The following NAV2 variants were observed in gnomAD, a reference collection of about 807,000 sequenced individuals.
The protein encoded by NAV2 is neuron navigator 2, also known as helicase, APC down-regulated 1.
Under a neutral mutation model 223.2 loss-of-function variants are expected in NAV2, and 54 were observed. The observed-to-expected ratio is 0.24, with a 90% CI of 0.19 to 0.30. The LOEUF is 0.30. Among genes scored for constraint, NAV2 ranks in the 10% least tolerant of loss-of-function variants. The pLI is 1.00. For synonymous variants in NAV2, 1,279 were observed against 1,239.3 expected (o/e 1.03, Z -0.67); for missense variants, 2,806 against 3,147.5 (o/e 0.89, Z 2.60).
At chr11:20,019,168 G>C (rs576789011) in intron 11 of NAV2, among the ~76,000 whole-genome samples, 2 of 152,168 alleles carry the variant, frequency 1.3e-5, no homozygotes, top group Middle Eastern at 3.2e-3. Context: ...CAAGGCATGA[G>C]GGAAGGCTGA....
intron 1 of NAV2, among the ~76,000 whole-genome samples, chr11:19,791,740 C>A (rs117684497): frequency 6.6e-6 from 1 of 152,178 alleles, no homozygotes; most frequent in East Asian, 1.9e-4. Context: ...AGAAGAAAGC[C>A]TGGCAGGAGA....
In NAV2 at chr11:20,015,636, C is replaced by T. The variant is rs117789605; in HGVS notation, c.2769-20323C>T. 5.7e-4 allele frequency among the ~76,000 whole-genome samples: 87 copies of T among 152,264 alleles called. No individual in the cohort carries two copies. In the East Asian group the frequency reaches 0.016, roughly 29 times the overall value. ...ACCCCCACATACACCCAATTATAAG[C>T]TCCACGAGGGGGTAGAGAGAGACAT... On this transcript the variant is annotated intron_variant, in intron 11 of 37. Coordinates refer to ENST00000349880, the MANE Select transcript of NAV2 (RefSeq NM_145117.5).
chr11:19,821,029 G>A (rs371448628), intron 1 of NAV2, among the ~76,000 whole-genome samples: 4 of 152,190 alleles, frequency 2.6e-5, no homozygotes, highest in African/African-American at 4.8e-5. Context: ...TTGGGAGGCC[G>A]AGGCGGGCAA....
intron 6 of NAV2, among the ~76,000 whole-genome samples, chr11:19,914,755 A>G (rs1015412721): frequency 6.6e-6 from 1 of 151,734 alleles, no homozygotes; most frequent in African/African-American, 2.4e-5. Flanking sequence ...CTTGTTAGCC[A>G]GGATGGTCTC....
chr11:19,638,828 A>C (rs898259484), intron 1 of NAV2, among the ~76,000 whole-genome samples: 6 of 152,118 alleles, frequency 3.9e-5, no homozygotes, highest in South Asian at 2.1e-4. Context: ...CCCCGTGTCT[A>C]CTAAAAATAC....
intron 3 of NAV2, among the ~76,000 whole-genome samples, chr11:19,843,791 T>C (rs563418631): frequency 3.0e-4 from 46 of 152,050 alleles, no homozygotes; most frequent in African/African-American, 8.7e-4. Flanking sequence ...AATTTGCTTC[T>C]GTAACCCCAT....
At chr11:19,892,118 C>G (rs2041550334) in intron 5 of NAV2, among the ~76,000 whole-genome samples, 1 of 152,178 alleles carries the variant, frequency 6.6e-6, no homozygotes, top group Non-Finnish European at 1.5e-5. Flanking sequence ...ACCACCATGC[C>G]TGGCTAATTT....
chr11:19,496,811 G>C (rs2042807977), intron 1 of NAV2, among the ~76,000 whole-genome samples: 1 of 152,146 alleles, frequency 6.6e-6, no homozygotes, highest in African/African-American at 2.4e-5. Flanking sequence ...TTTACAATGT[G>C]ATCACTAAAA....
At chr11:19,485,115 C>G (rs1464718602) in intron 1 of NAV2, among the ~76,000 whole-genome samples, 2 of 152,152 alleles carry the variant, frequency 1.3e-5, no homozygotes, top group African/African-American at 4.8e-5. Flanking sequence ...ACAGGCAACT[C>G]CTGTGGACCC....
intron 1 of NAV2, among the ~76,000 whole-genome samples, chr11:19,633,344 G>T (rs2047398113): frequency 6.6e-6 from 1 of 152,264 alleles, no homozygotes; most frequent in Non-Finnish European, 1.5e-5. Context: ...CAGAGAGGGA[G>T]GTCCCTGGCA....
At chr11:19,607,837 G>A (rs530105593) in intron 1 of NAV2, among the ~76,000 whole-genome samples, 1 of 151,480 alleles carries the variant, frequency 6.6e-6, no homozygotes, top group East Asian at 2.0e-4. Flanking sequence ...AAACATTTCA[G>A]CAAAGATTCT....
At chr11:19,956,643 G>A (rs906584563) in intron 10 of NAV2, among the ~76,000 whole-genome samples, 1 of 152,180 alleles carries the variant, frequency 6.6e-6, no homozygotes. Context: ...GCACGGTGTG[G>A]GGGCGGTGCA....
intron 14 of NAV2, among the ~76,000 whole-genome samples, chr11:20,046,309 C>T (rs2057418079): frequency 6.7e-6 from 1 of 149,724 alleles, no homozygotes; most frequent in Admixed American, 6.7e-5. Flanking sequence ...GCACTCCAGC[C>T]TGGGCAACAG....
intron 1 of NAV2, among the ~76,000 whole-genome samples, chr11:19,805,917 G>C (rs539042287): frequency 1.3e-5 from 2 of 152,268 alleles, no homozygotes; most frequent in African/African-American, 2.4e-5. Flanking sequence ...AATTCAAACC[G>C]ACTTCTGCCT....
intron 1 of NAV2, among the ~76,000 whole-genome samples, chr11:19,581,948 C>T (rs1010801639): frequency 6.6e-6 from 1 of 152,210 alleles, no homozygotes; most frequent in African/African-American, 2.4e-5. Context: ...ACACTGACTT[C>T]CACAATGGTT....
intron 1 of NAV2, among the ~76,000 whole-genome samples, chr11:19,562,304 A>C (rs1182362217): frequency 6.6e-6 from 1 of 152,166 alleles, no homozygotes; most frequent in Non-Finnish European, 1.5e-5. Flanking sequence ...ATGCCTGACC[A>C]CCAACCCTTT....
At position 20,120,886 on chromosome 11, in the gene NAV2, C is replaced by G. The variant is rs2063441656; in HGVS notation, c.*2628C>G. The G allele has an allele frequency of 6.6e-6, 1 of 152,648 alleles. No homozygotes were observed. Among genetic ancestry groups the G allele is most frequent in the African/African-American group, 2.4e-5 (1 of 41,454 alleles). The allele number at this position is 152,648 out of a possible 1,614,324, so 9.5% of individuals were successfully genotyped here. On this transcript the variant is annotated 3_prime_UTR_variant, in exon 38 of 38. Transcript: ENST00000349880. ...CTCATTTAGGGCTCTATCGGAAATG[C>G]TTCCATTTTGCCTTTTCTACAGTTA... is the stretch of plus-strand genomic sequence containing the variant.
intron 1 of NAV2, among the ~76,000 whole-genome samples, chr11:19,692,243 C>T (rs1321500733): frequency 2.0e-5 from 3 of 152,222 alleles, no homozygotes; most frequent in Admixed American, 6.5e-5. Flanking sequence ...GAACGAAGTC[C>T]GCAAACATCT....
chr11:20,026,829 C>A (rs533030649), intron 11 of NAV2, among the ~76,000 whole-genome samples: 2 of 152,328 alleles, frequency 1.3e-5, no homozygotes, highest in East Asian at 3.9e-4. Context: ...TCCTCAATTG[C>A]CTCATCTGTA....
Sources: gnomAD v4.1 joint callset for allele counts (sites outside exome capture counted in the v4.1 genomes callset) on GRCh38, gnomAD v4.1.1 for gene constraint, MANE v1.5 for transcripts, NCBI Gene and HGNC (gene_info 2026-07-23, HGNC 2026-07-21) for gene names.